Variants in KCNK13 observed in about 807,000 individuals in gnomAD.
KCNK13 encodes the protein potassium channel subfamily K member 13.
Under a neutral mutation model 23.4 loss-of-function variants are expected in KCNK13, and 12 were observed. The observed-to-expected ratio is 0.51, with a 90% confidence interval of 0.33 to 0.83. The LOEUF is 0.83. KCNK13 is among the 40% of genes least tolerant of loss of function. The pLI, the probability that KCNK13 is intolerant of heterozygous loss-of-function variation, is 0.02. For missense variants in KCNK13, 463 were observed against 556.3 expected (o/e 0.83, Z 1.69); for synonymous variants, 231 against 229.5 (o/e 1.01, Z -0.06).
intron 1 of KCNK13, among the ~76,000 whole-genome samples, chr14:90,071,722 C>T (rs1889077119): frequency 6.6e-6 from 1 of 152,076 alleles, no homozygotes; most frequent in South Asian, 2.1e-4. Flanking sequence ...CATGGTGAAA[C>T]CCTGTCTCTA....
chr14:90,108,586 T>C (rs866992028), intron 1 of KCNK13, among the ~76,000 whole-genome samples: 2 of 152,116 alleles, frequency 1.3e-5, no homozygotes, highest in East Asian at 1.9e-4. Flanking sequence ...ACAGATCTCA[T>C]AGGAAATGTT....
intron 1 of KCNK13, among the ~76,000 whole-genome samples, chr14:90,114,421 T>C (rs533631574): frequency 6.6e-6 from 1 of 152,324 alleles, no homozygotes; most frequent in South Asian, 2.1e-4. Context: ...CTGATTTAAG[T>C]GGTCTGGGGC....
intron 1 of KCNK13, among the ~76,000 whole-genome samples, chr14:90,084,003 C>G (rs1056382457): frequency 6.6e-6 from 1 of 152,334 alleles, no homozygotes; most frequent in Non-Finnish European, 1.5e-5. Context: ...AAATTGACAT[C>G]TGGACTCTCA....
intron 1 of KCNK13, among the ~76,000 whole-genome samples, chr14:90,149,861 T>A (rs74080614): frequency 0.065 from 9,892 of 152,232 alleles, 417 homozygotes; most frequent in South Asian, 0.21. Context: ...TGAGGTTTCT[T>A]ACTTAATTCC....
intron 1 of KCNK13, among the ~76,000 whole-genome samples, chr14:90,071,343 C>G (rs2140389256): frequency 6.6e-6 from 1 of 152,224 alleles, no homozygotes; most frequent in East Asian, 1.9e-4. Flanking sequence ...CTTAAAGAGT[C>G]TCCAATTTAT....
Position 90,185,121 on chromosome 14 carries a change from C to A in KCNK13, c.*118C>A, listed in dbSNP as rs1395290281. 6.6e-6 allele frequency: 6 copies of A among 904,116 alleles called. No individual in the cohort carries two copies. Among genetic ancestry groups the A allele is most frequent in the Non-Finnish European group, 9.5e-6 (6 of 631,206 alleles). The allele number at this position is 904,116 out of a possible 1,614,324, so 56.0% of individuals were successfully genotyped here. A position where few individuals can be genotyped will look rare whatever the true frequency, so the allele number is the denominator to read the frequency against. On this transcript the variant is annotated 3_prime_UTR_variant, in exon 2 of 2. Coordinates refer to ENST00000282146, the MANE Select transcript of KCNK13 (RefSeq NM_022054.4). ...CCTTCTGGGAGCTGTTCCCGGGAGCCTCCGCAAGCATCTTTAGAAATCTGA... is the reference window on the plus strand; with the variant it reads ...CCTTCTGGGAGCTGTTCCCGGGAGCATCCGCAAGCATCTTTAGAAATCTGA...
At chr14:90,099,851 A>T (rs1889453330) in intron 1 of KCNK13, among the ~76,000 whole-genome samples, 2 of 152,088 alleles carry the variant, frequency 1.3e-5, no homozygotes, top group Non-Finnish European at 2.9e-5. Flanking sequence ...AACCAACATA[A>T]TTTTTTCTTC....
At chr14:90,070,070 C>T (rs1221785170) in intron 1 of KCNK13, among the ~76,000 whole-genome samples, 1 of 152,100 alleles carries the variant, frequency 6.6e-6, no homozygotes, top group Non-Finnish European at 1.5e-5. Flanking sequence ...CATATTGAAC[C>T]TAAAGTGCTA....
intron 1 of KCNK13, among the ~76,000 whole-genome samples, chr14:90,078,304 C>G (rs911160743): frequency 6.6e-6 from 1 of 151,412 alleles, no homozygotes; most frequent in Non-Finnish European, 1.5e-5. Context: ...CCTGTAATCC[C>G]AAATACTCAG....
At chr14:90,137,456 G>T (rs1267845872) in intron 1 of KCNK13, among the ~76,000 whole-genome samples, 1 of 152,036 alleles carries the variant, frequency 6.6e-6, no homozygotes, top group African/African-American at 2.4e-5. Context: ...GAGTAGCTGG[G>T]ATTACAGGCG....
chr14:90,069,387 G>A (rs893774839), intron 1 of KCNK13, among the ~76,000 whole-genome samples: 5 of 152,008 alleles, frequency 3.3e-5, no homozygotes, highest in African/African-American at 7.3e-5. Context: ...TTTCTGTCCC[G>A]GGGTGTGGCC....
chr14:90,181,180 T>C (rs1376942502), intron 1 of KCNK13, among the ~76,000 whole-genome samples: 4 of 152,200 alleles, frequency 2.6e-5, no homozygotes, highest in African/African-American at 9.6e-5. Flanking sequence ...TGTAGATAGT[T>C]AGTCTCAGCC....
At chr14:90,098,800 C>G (rs1889440516) in intron 1 of KCNK13, among the ~76,000 whole-genome samples, 1 of 151,452 alleles carries the variant, frequency 6.6e-6, no homozygotes, top group African/African-American at 2.4e-5. Flanking sequence ...GGAACAAGGC[C>G]AGGCGCGGTG....
chr14:90,134,231 G>A (rs1281965735), intron 1 of KCNK13, among the ~76,000 whole-genome samples: 1 of 152,192 alleles, frequency 6.6e-6, no homozygotes, highest in East Asian at 1.9e-4. Flanking sequence ...TGTGTAGCCT[G>A]TGCAGTTGGT....
chr14:90,169,958 G>A (rs1890345734), intron 1 of KCNK13, among the ~76,000 whole-genome samples: 1 of 152,152 alleles, frequency 6.6e-6, no homozygotes, highest in Non-Finnish European at 1.5e-5. Flanking sequence ...TTCCCAAATT[G>A]GGCTATAAGA....
intron 1 of KCNK13, among the ~76,000 whole-genome samples, chr14:90,179,096 T>G (rs1890456961): frequency 6.6e-6 from 1 of 152,172 alleles, no homozygotes; most frequent in African/African-American, 2.4e-5. Context: ...GTGGTTATGT[T>G]TGAAAAATAA....
At position 90,129,493 on chromosome 14, in the gene KCNK13, T is replaced by C. The variant is rs528354710; in HGVS notation, c.335-54618T>C. Reference sequence around the variant, plus strand: ...CAGAGATGTTGCATTTTTCATAAGCTTCCAGGTGAGGCTGAAGCTGCTGCT... The same window carrying C: ...CAGAGATGTTGCATTTTTCATAAGCCTCCAGGTGAGGCTGAAGCTGCTGCT... On this transcript the variant is annotated intron_variant, in intron 1 of 1. Coordinates refer to ENST00000282146, the MANE Select transcript of KCNK13 (RefSeq NM_022054.4). Among the ~76,000 whole-genome samples the C allele has an allele frequency of 3.9e-5, 6 of 152,286 alleles. No homozygotes were observed. In the South Asian group the frequency reaches 8.3e-4, roughly 21 times the overall value.
chr14:90,140,521 C>T (rs963073625), intron 1 of KCNK13, among the ~76,000 whole-genome samples: 2 of 152,142 alleles, frequency 1.3e-5, no homozygotes, highest in Non-Finnish European at 2.9e-5. Context: ...CCCTTCCAGA[C>T]GAGTCCCCTC....
intron 1 of KCNK13, among the ~76,000 whole-genome samples, chr14:90,063,422 C>T (rs576040403): frequency 9.2e-5 from 14 of 152,108 alleles, no homozygotes; most frequent in Admixed American, 2.6e-4. Context: ...GGGGAGTCTG[C>T]GCCACACCCC....
Sources: gnomAD v4.1 joint callset for allele counts (sites outside exome capture counted in the v4.1 genomes callset) on GRCh38, gnomAD v4.1.1 for gene constraint, MANE v1.5 for transcripts, NCBI Gene and HGNC (gene_info 2026-07-23, HGNC 2026-07-21) for gene names.